Variants in GDPD4 observed in about 807,000 individuals in gnomAD.
The protein encoded by GDPD4 is glycerophosphodiester phosphodiesterase 6.
Under a neutral mutation model 67.8 loss-of-function variants are expected in GDPD4, and 60 were observed. The observed-to-expected ratio is 0.88, with a 90% CI of 0.72 to 1.10. The LOEUF is 1.10. GDPD4 is among the 50% of genes least tolerant of loss of function. The pLI, the probability that GDPD4 is intolerant of heterozygous loss-of-function variation, is 0.00. For missense variants in GDPD4, 623 were observed against 613.9 expected, an observed-to-expected ratio of 1.01 and a Z score of -0.16; for synonymous variants, 212 against 210.9, an observed-to-expected ratio of 1.00 and a Z score of -0.04.
chr11:77,255,956 T>A (rs966144223), intron 11 of GDPD4, among the ~76,000 whole-genome samples: 2 of 152,222 alleles, frequency 1.3e-5, no homozygotes, highest in African/African-American at 4.8e-5. Context: ...CTGAATGTAC[T>A]TAGAATTATG....
intron 5 of GDPD4, 88 bp from the exon 6 acceptor site, chr11:77,271,481 T>C (rs2135873798): frequency 5.3e-6 from 4 of 755,926 alleles, no homozygotes; most frequent in East Asian, 5.2e-5. Context: ...GTCTTCACAA[T>C]GTCAGGGACC....
intron 13 of GDPD4, among the ~76,000 whole-genome samples, chr11:77,239,961 G>A (rs78602886): frequency 3.7e-4 from 49 of 133,678 alleles, no homozygotes; most frequent in East Asian, 4.3e-4. Flanking sequence ...GACTGCCTCA[G>A]AAAAAAAAAA....
intron 15 of GDPD4, among the ~76,000 whole-genome samples, chr11:77,228,545 G>A (rs560390465): frequency 1.4e-5 from 2 of 147,418 alleles, no homozygotes; most frequent in Non-Finnish European, 3.0e-5. Context: ...AGGCACAGTG[G>A]CAGGCACCTG....
intron 11 of GDPD4, among the ~76,000 whole-genome samples, chr11:77,248,542 C>A (rs1958825887): frequency 6.6e-6 from 1 of 151,920 alleles, no homozygotes; most frequent in Non-Finnish European, 1.5e-5. Context: ...ACCACATCTA[C>A]CATTAATTGC....
At position 77,268,916 on chromosome 11, in the gene GDPD4, A is replaced by T; in HGVS notation, c.624+8T>A. On this transcript the variant is annotated splice_region_variant and intron_variant, in intron 9 of 16. Transcript: ENST00000315938. The stretch of plus-strand genomic sequence containing the variant: ...ATTTTCACCCATGTTCATCATGCTC[A>T]GACCTACCATGGGTGCACCTCTATG... 1.2e-6 allele frequency: 2 copies of T among 1,613,570 alleles called. No homozygotes were observed. Among genetic ancestry groups the T allele is most frequent in the Non-Finnish European group, 1.7e-6 (2 of 1,179,724 alleles).
chr11:77,258,614 C>T, intron 10 of GDPD4, 72 bp from the exon 11 acceptor site: 1 of 1,431,668 alleles, frequency 7.0e-7, no homozygotes, highest in Admixed American at 1.7e-5. Flanking sequence ...ACAGGCTCCC[C>T]AGACAGTCCT....
intron 13 of GDPD4, among the ~76,000 whole-genome samples, chr11:77,240,227 T>A (rs1007653203): frequency 6.6e-6 from 1 of 152,188 alleles, no homozygotes; most frequent in Non-Finnish European, 1.5e-5. Flanking sequence ...TCACATTCCC[T>A]AATTTCAAAA....
intron 4 of GDPD4, among the ~76,000 whole-genome samples, chr11:77,277,445 G>C (rs1042871078): frequency 4.4e-5 from 5 of 112,780 alleles, no homozygotes; most frequent in Admixed American, 1.4e-4. Flanking sequence ...CTGTCGTCCA[G>C]GCTGGAGTGC....
chr11:77,295,100 G>A (rs1937909767), intron 1 of GDPD4, among the ~76,000 whole-genome samples: 1 of 151,422 alleles, frequency 6.6e-6, no homozygotes, highest in African/African-American at 2.4e-5. Context: ...GAGTAGCGGG[G>A]ACTACAGGTG....
In GDPD4 at chr11:77,258,433, C is replaced by A; in HGVS notation, c.817G>T (p.Asp273Tyr). The A allele has an allele frequency of 6.2e-7, 1 of 1,614,050 alleles. No homozygotes were observed. Among genetic ancestry groups the A allele is most frequent in the Non-Finnish European group, 8.5e-7 (1 of 1,179,954 alleles). Residue 273 changes from aspartate (D) to tyrosine (Y), a missense_variant, in exon 11 of 17, where the codon GAT (aspartate) becomes TAT (tyrosine). Transcript: ENST00000315938. ...ACENPAFFNW[D>Y]FLSTLNAGKW... ...CCTGCATTCAGAGTCGATAGGAAAT[C>A]CCAGTTGAAGAAGGCAGGGTTCTCG... is the stretch of plus-strand genomic sequence containing the variant.
At chr11:77,254,452 A>C (rs969095772) in intron 11 of GDPD4, among the ~76,000 whole-genome samples, 1 of 152,086 alleles carries the variant, frequency 6.6e-6, no homozygotes, top group African/African-American at 2.4e-5. Context: ...TTTCATTAAA[A>C]TATGTTTTTT....
At position 77,265,378 on chromosome 11, in the gene GDPD4, A is replaced by G. The variant is rs1011696092; in HGVS notation, c.707+3079T>C. 6.6e-5 allele frequency among the ~76,000 whole-genome samples: 10 copies of G among 152,304 alleles called. No homozygotes were observed. The South Asian group carries it at 2.1e-3, about 32-fold the overall frequency. ...AACTGGAGCAGTATATAGGGCCTAG[A>G]AAAGTTTTAAAATGTCAGAATGGAT... On this transcript the variant is annotated intron_variant, in intron 10 of 16. Transcript: ENST00000315938.
At chr11:77,227,086 GCCT>G (rs1193425873) in intron 16 of GDPD4, among the ~76,000 whole-genome samples, 1 of 152,176 alleles carries the variant, frequency 6.6e-6, no homozygotes, top group Non-Finnish European at 1.5e-5. Context: ...GCAGTCTTCT[GCCT>G]CCTAATTGGT....
At chr11:77,269,984 A>G in intron 7 of GDPD4, 24 bp from the exon 8 acceptor site, 1 of 1,260,234 alleles carries the variant, frequency 7.9e-7, no homozygotes, top group East Asian at 2.3e-5. Flanking sequence ...AGTGAAAAAG[A>G]AAAGAGTTCA....
intron 13 of GDPD4, among the ~76,000 whole-genome samples, chr11:77,235,009 GTTTTTTTTTTTTTTTTT>G (rs57989259): frequency 1.1e-4 from 6 of 52,254 alleles, no homozygotes; most frequent in African/African-American, 3.2e-4. Context: ...GTCAATATCT[GTTTTTTTTTTTTTTTTT>G]TTTTTTTTTT....
intron 3 of GDPD4, 39 bp from the exon 4 acceptor site, chr11:77,279,438 A>C: frequency 8.0e-7 from 1 of 1,257,128 alleles, no homozygotes; most frequent in Non-Finnish European, 1.2e-6. Context: ...AATAATGCAG[A>C]AATCAGTAGC....
intron 16 of GDPD4, among the ~76,000 whole-genome samples, chr11:77,226,552 T>C (rs1017131047): frequency 6.6e-6 from 1 of 152,194 alleles, no homozygotes; most frequent in African/African-American, 2.4e-5. Flanking sequence ...AGCACCTTGA[T>C]CTGGGATTTC....
Position 77,267,173 on chromosome 11 carries a change from A to G in GDPD4, c.707+1284T>C, listed in dbSNP as rs188500645. 1.2e-3 allele frequency among the ~76,000 whole-genome samples: 185 copies of G among 152,330 alleles called. 2 individuals carry two copies. The highest frequency in any genetic ancestry group is 6.8e-3 in the Middle Eastern group (2 of 294). On this transcript the variant is annotated intron_variant, in intron 10 of 16. Coordinates refer to ENST00000315938, the MANE Select transcript of GDPD4 (RefSeq NM_182833.3). Reference sequence around the variant, plus strand: ...CTACCATTGTTCTGCAATTGCCTACAGTATTCAGTACAGTAACATGCTGTA... The same window carrying G: ...CTACCATTGTTCTGCAATTGCCTACGGTATTCAGTACAGTAACATGCTGTA...
intron 5 of GDPD4, 46 bp from the exon 6 acceptor site, chr11:77,271,439 G>A (rs1959224387): frequency 8.7e-7 from 1 of 1,145,104 alleles, no homozygotes; most frequent in Non-Finnish European, 1.3e-6. Context: ...CACTAGGCTT[G>A]GATCAGAACT....
Sources: gnomAD v4.1 joint callset for allele counts (sites outside exome capture counted in the v4.1 genomes callset) on GRCh38, gnomAD v4.1.1 for gene constraint, MANE v1.5 for transcripts, NCBI Gene and HGNC (gene_info 2026-07-23, HGNC 2026-07-21) for gene names.